Variants in NAA35 observed in about 807,000 individuals in gnomAD.
NAA35 encodes the protein N-alpha-acetyltransferase 35, NatC auxiliary subunit.
In NAA35, 18 loss-of-function variants were observed where a neutral mutation model predicts 101.7. That is an observed-to-expected ratio of 0.18 (90% confidence interval 0.12 to 0.26). The LOEUF is 0.26. NAA35 is among the 10% of genes least tolerant of loss of function. The pLI is 1.00. For synonymous variants in NAA35, 267 were observed against 273.1 expected, an observed-to-expected ratio of 0.98 and a Z score of 0.22; for missense variants, 601 against 886.8, an observed-to-expected ratio of 0.68 and a Z score of 4.09.
intron 3 of NAA35, 43 bp downstream of exon 3, chr9:85,956,436 G>T (rs746984550): frequency 8.2e-7 from 1 of 1,222,718 alleles, no homozygotes; most frequent in South Asian, 1.7e-5. Flanking sequence ...TAATGTTTCA[G>T]TCTGTTTTTT....
In NAA35 at chr9:85,941,414, G is replaced by C. The variant is rs60610377; in HGVS notation, c.-6+141G>C. ...CTCCCGCTGCGCGTCAGGTAGGAGCGGCGGGCTCCCCAGTGCCCGCTGTCG... is the reference window on the plus strand; with the variant it reads ...CTCCCGCTGCGCGTCAGGTAGGAGCCGCGGGCTCCCCAGTGCCCGCTGTCG... On this transcript the variant is annotated intron_variant, in intron 1 of 22. Transcript: ENST00000361671. 33,609 of 985,316 alleles carry C rather than the reference G, an allele frequency of 0.034. 3,843 individuals carry two copies. The African/African-American group carries it at 0.35, about 10-fold the overall frequency. The allele number at this position is 985,316 out of a possible 1,614,324, so 61.0% of individuals were successfully genotyped here. A position where few individuals can be genotyped will look rare whatever the true frequency, so the allele number is the denominator to read the frequency against.
At chr9:86,020,468 A>G (rs1435708342) in intron 21 of NAA35, among the ~76,000 whole-genome samples, 2 of 152,132 alleles carry the variant, frequency 1.3e-5, no homozygotes, top group African/African-American at 4.8e-5. Flanking sequence ...TATTAAAAGA[A>G]ATATATTTAT....
chr9:85,954,729 A>G (rs1829163506), intron 2 of NAA35, among the ~76,000 whole-genome samples: 1 of 152,112 alleles, frequency 6.6e-6, no homozygotes, highest in African/African-American at 2.4e-5. Flanking sequence ...TTTGCCCTCC[A>G]TTGCCTTTTT....
At chr9:85,951,637 C>A (rs557883795) in intron 2 of NAA35, among the ~76,000 whole-genome samples, 7 of 152,204 alleles carry the variant, frequency 4.6e-5, no homozygotes, top group East Asian at 1.9e-4. Flanking sequence ...ATTGAATGTT[C>A]AATAAGTTAT....
intron 11 of NAA35, among the ~76,000 whole-genome samples, chr9:85,980,014 C>T (rs1441825179): frequency 6.6e-6 from 1 of 152,168 alleles, no homozygotes; most frequent in Admixed American, 6.6e-5. Flanking sequence ...TTGGGATTCC[C>T]ACGACTCTCT....
chr9:85,950,616 CGA>C (rs1214496930), intron 2 of NAA35, among the ~76,000 whole-genome samples: 1 of 151,908 alleles, frequency 6.6e-6, no homozygotes, highest in Non-Finnish European at 1.5e-5. Context: ...AAACCAAGGC[CGA>C]GAGTGTTTGA....
In NAA35 at chr9:86,022,697, TCA is replaced by T. The variant is rs1172231334; in HGVS notation, c.*738_*739del. 6.6e-6 allele frequency among the ~76,000 whole-genome samples: 1 copy of T among 152,232 alleles called. No individual in the cohort carries two copies. The highest frequency in any genetic ancestry group is 1.5e-5 in the Non-Finnish European group (1 of 68,042). On this transcript the variant is annotated 3_prime_UTR_variant, in exon 23 of 23. Transcript: ENST00000361671. ...GGTGTACTTTTTGTTTACTTCATAT[TCA>T]GTTTAACCCATGAAACATTTTCAAA...
chr9:86,019,185 G>A (rs150174416), intron 21 of NAA35, among the ~76,000 whole-genome samples: 8 of 152,250 alleles, frequency 5.3e-5, no homozygotes, highest in South Asian at 4.1e-4. Context: ...GGGGCCAGGC[G>A]TGGTGGCTCA....
At chr9:85,981,608 C>G (rs1830443624) in intron 11 of NAA35, among the ~76,000 whole-genome samples, 3 of 152,152 alleles carry the variant, frequency 2.0e-5, no homozygotes. Flanking sequence ...AGTGTGCTGA[C>G]AGGCTTCAGG....
intron 6 of NAA35, among the ~76,000 whole-genome samples, chr9:85,974,402 C>G (rs1370915191): frequency 6.6e-6 from 1 of 152,134 alleles, no homozygotes; most frequent in Non-Finnish European, 1.5e-5. Flanking sequence ...GTTAATGACT[C>G]AGCAATGAAA....
At chr9:85,991,593 G>T (rs1203663630) in intron 11 of NAA35, among the ~76,000 whole-genome samples, 2 of 152,098 alleles carry the variant, frequency 1.3e-5, no homozygotes, top group East Asian at 1.9e-4. Flanking sequence ...GTGCAGAAAG[G>T]TGGCCTGTTG....
chr9:86,003,365 T>G (rs1213091905), intron 12 of NAA35, among the ~76,000 whole-genome samples: 2 of 152,156 alleles, frequency 1.3e-5, no homozygotes, highest in East Asian at 1.9e-4. Flanking sequence ...AATTCTATGA[T>G]TGGTCAGTTT....
At chr9:86,017,400 A>AAGC in intron 18 of NAA35, 98 bp from the exon 19 acceptor site, 1 of 1,065,624 alleles carries the variant, frequency 9.4e-7, no homozygotes. Flanking sequence ...TTTAGTATAC[A>AAGC]AGCTGAAAGA....
At chr9:85,986,997 A>G (rs1413636285) in intron 11 of NAA35, 2 of 155,662 alleles carry the variant, frequency 1.3e-5, no homozygotes, top group Non-Finnish European at 2.9e-5. Context: ...AAAAGAAAAA[A>G]TCACCAAAAC....
intron 12 of NAA35, among the ~76,000 whole-genome samples, chr9:86,001,167 T>G (rs758855247): frequency 1.3e-5 from 2 of 152,182 alleles, no homozygotes; most frequent in Non-Finnish European, 2.9e-5. Flanking sequence ...CAGGAGGATG[T>G]TTTTTAATTC....
At chr9:85,954,987 G>A (rs947563551) in intron 2 of NAA35, among the ~76,000 whole-genome samples, 1 of 151,912 alleles carries the variant, frequency 6.6e-6, no homozygotes, top group Non-Finnish European at 1.5e-5. Context: ...GCACAATCTC[G>A]GCTCACTGCA....
At chr9:85,985,254 AAC>A (rs1830599689) in intron 11 of NAA35, among the ~76,000 whole-genome samples, 1 of 152,198 alleles carries the variant, frequency 6.6e-6, no homozygotes, top group Admixed American at 6.5e-5. Flanking sequence ...TCAAATGTTA[AAC>A]ATAGAATTAT....
chr9:86,024,886 G>A lies in NAA35; in HGVS notation c.*2926G>A, dbSNP rs1222820264. Among the ~76,000 whole-genome samples, 1 of 152,118 alleles carries A rather than the reference G, an allele frequency of 6.6e-6. No individual in the cohort carries two copies. Among genetic ancestry groups the A allele is most frequent in the African/African-American group, 2.4e-5 (1 of 41,418 alleles). On this transcript the variant is annotated 3_prime_UTR_variant, in exon 23 of 23. Transcript: ENST00000361671. ...AACTATAGTCACTGTAATTTTCTGG[G>A]GGTTGCCATTGCTCAGGGAGCTCCT...
At chr9:85,961,290 T>C (rs1829501096) in intron 5 of NAA35, among the ~76,000 whole-genome samples, 1 of 152,178 alleles carries the variant, frequency 6.6e-6, no homozygotes, top group African/African-American at 2.4e-5. Context: ...TAAAAATAAC[T>C]ATAAACTTGG....
Sources: gnomAD v4.1 joint callset for allele counts (sites outside exome capture counted in the v4.1 genomes callset) on GRCh38, gnomAD v4.1.1 for gene constraint, MANE v1.5 for transcripts, NCBI Gene and HGNC (gene_info 2026-07-23, HGNC 2026-07-21) for gene names.